The following ABLIM2 variants were observed in gnomAD, a reference collection of about 807,000 sequenced individuals.
The protein encoded by ABLIM2 is actin binding LIM protein family member 2.
In ABLIM2, 53 loss-of-function variants were observed where a neutral mutation model predicts 97.7. The observed-to-expected ratio is 0.54, with a 90% CI of 0.44 to 0.68. The LOEUF (loss-of-function observed/expected upper bound fraction) is 0.68. ABLIM2 is among the 30% of genes least tolerant of loss of function. The pLI is 0.00. For missense variants in ABLIM2, 835 were observed against 867.2 expected (o/e 0.96, Z 0.47); for synonymous variants, 361 against 345.8 (o/e 1.04, Z -0.49).
chr4:8,050,852 C>G (rs1313665328), intron 8 of ABLIM2, among the ~76,000 whole-genome samples: 1 of 152,266 alleles, frequency 6.6e-6, no homozygotes, highest in Non-Finnish European at 1.5e-5. Flanking sequence ...CCTGCGCCGC[C>G]TCCTCCCTGT....
At position 8,149,224 on chromosome 4, in the gene ABLIM2, G is replaced by C. The variant is rs1240687178; in HGVS notation, c.10+9456C>G. ...CTCTGCTGCCTCCTGCCTCCCGTTA[G>C]CGAGAAGCCTCAGGCCCCCTGAAAT... is the stretch of plus-strand genomic sequence containing the variant. On this transcript the variant is annotated intron_variant, in intron 1 of 20. Coordinates refer to ENST00000447017, the MANE Select transcript of ABLIM2 (RefSeq NM_001130083.2). This position sits in a 1 kb window ranked among gnomAD's most constrained non-coding sequence, Gnocchi z 6.4. Among the ~76,000 whole-genome samples the C allele has an allele frequency of 6.6e-6, 1 of 152,194 alleles. No individual in the cohort carries two copies. Among genetic ancestry groups the C allele is most frequent in the Non-Finnish European group, 1.5e-5 (1 of 68,044 alleles).
At position 8,071,322 on chromosome 4, in the gene ABLIM2, C is replaced by A. The variant is rs1033291576; in HGVS notation, c.675+6306G>T. ...AGCCCCTCCCATGCCCCCACAGGACCCCAGCAAGGAGCCGGCTCATCAGGA... is the reference window on the plus strand; with the variant it reads ...AGCCCCTCCCATGCCCCCACAGGACACCAGCAAGGAGCCGGCTCATCAGGA... On this transcript the variant is annotated intron_variant, in intron 6 of 20. Coordinates refer to ENST00000447017, the MANE Select transcript of ABLIM2 (RefSeq NM_001130083.2). The surrounding 1 kb of genome is among the most constrained non-coding windows in gnomAD (Gnocchi z 6.2). Among the ~76,000 whole-genome samples the A allele has an allele frequency of 1.3e-5, 2 of 152,172 alleles. No homozygotes were observed. The highest frequency in any genetic ancestry group is 4.8e-5 in the African/African-American group (2 of 41,432).
chr4:7,973,077 G>GTGTGTGTGTC (rs1553878893), intron 20 of ABLIM2, among the ~76,000 whole-genome samples: 2 of 143,506 alleles, frequency 1.4e-5, no homozygotes, highest in Non-Finnish European at 3.1e-5. Context: ...TCCCCTTGCT[G>GTGTGTGTGTC]TGTGTGTGTG....
Position 7,980,941 on chromosome 4 carries a change from A to ATCTTTTTTTTTTTTTTTTTTTTT in ABLIM2, c.1824+2322_1824+2323insAAAAAAAAAAAAAAAAAAAAAGA, listed in dbSNP as rs1483414043. Among the ~76,000 whole-genome samples the ATCTTTTTTTTTTTTTTTTTTTTT allele has an allele frequency of 9.5e-3, 786 of 83,006 alleles. 22 individuals carry two copies. Among genetic ancestry groups the ATCTTTTTTTTTTTTTTTTTTTTT allele is most frequent in the African/African-American group, 0.014 (249 of 18,114 alleles). The allele number at this position is 83,006 out of a possible 152,430, so 54.5% of individuals were successfully genotyped here. On this transcript the variant is annotated intron_variant, in intron 20 of 20. Coordinates refer to ENST00000447017, the MANE Select transcript of ABLIM2 (RefSeq NM_001130083.2). ...AGAACCATGGTCTCCACAACCCCTTATTTTTTTTTTTTTTTTTTTTGAGAT... is the reference window on the plus strand; with the variant it reads ...AGAACCATGGTCTCCACAACCCCTTATCTTTTTTTTTTTTTTTTTTTTTTTTTTTTTTTTTTTTTTTTTGAGAT...
At position 8,140,638 on chromosome 4, in the gene ABLIM2, G is replaced by T. The variant is rs1331203250; in HGVS notation, c.10+18042C>A. Among the ~76,000 whole-genome samples the T allele has an allele frequency of 1.3e-5, 2 of 152,150 alleles. No homozygotes were observed. Among genetic ancestry groups the T allele is most frequent in the African/African-American group, 4.8e-5 (2 of 41,432 alleles). ...CCCATGGCCACTGCTACTGATGATG[G>T]AAGCAATGATGATAAAATCGACCCC... On this transcript the variant is annotated intron_variant, in intron 1 of 20. Coordinates refer to ENST00000447017, the MANE Select transcript of ABLIM2 (RefSeq NM_001130083.2). The surrounding 1 kb of genome is among the most constrained non-coding windows in gnomAD (Gnocchi z 5.9).
At chr4:7,972,736 C>T (rs909564447) in intron 20 of ABLIM2, among the ~76,000 whole-genome samples, 15 of 152,158 alleles carry the variant, frequency 9.9e-5, no homozygotes, top group African/African-American at 2.7e-4. Context: ...TGACTCCCGA[C>T]GCTTTCTCCC....
chr4:8,030,725 G>C (rs775362205), intron 10 of ABLIM2, among the ~76,000 whole-genome samples: 21 of 152,224 alleles, frequency 1.4e-4, no homozygotes, highest in Non-Finnish European at 2.6e-4. Context: ...TCTACCCCGG[G>C]CGTCCTCTGC....
rs944381055 is a variant in ABLIM2 at position 8,132,807 on chromosome 4, G to A, written c.10+25873C>T. ...AAATGGGGATACCACGGACTGGGCT[G>A]CAGGGAGACTAAATGAGATGATGCC... On this transcript the variant is annotated intron_variant, in intron 1 of 20. Coordinates refer to ENST00000447017, the MANE Select transcript of ABLIM2 (RefSeq NM_001130083.2). The surrounding 1 kb of genome is among the most constrained non-coding windows in gnomAD (Gnocchi z 8.0). Among the ~76,000 whole-genome samples, 1 of 152,206 alleles carries A rather than the reference G, an allele frequency of 6.6e-6. No individual in the cohort carries two copies. Among genetic ancestry groups the A allele is most frequent in the African/African-American group, 2.4e-5 (1 of 41,458 alleles).
chr4:8,154,118 A>G (rs1714244833), intron 1 of ABLIM2, among the ~76,000 whole-genome samples: 1 of 150,846 alleles, frequency 6.6e-6, no homozygotes, highest in Non-Finnish European at 1.5e-5. Context: ...ACCTGCCACC[A>G]CGCCCAGCTA....
Position 8,120,854 on chromosome 4 carries a change from C to T in ABLIM2, c.11-14217G>A, listed in dbSNP as rs555724836. ...CTACGCCAGCCTACAGCTGGGCACA[C>T]ACATCTAACGCAAAGCCTGTTTTAT... On this transcript the variant is annotated intron_variant, in intron 1 of 20. Transcript: ENST00000447017. This position sits in a 1 kb window ranked among gnomAD's most constrained non-coding sequence, Gnocchi z 5.6. Among the ~76,000 whole-genome samples, 69 of 152,342 alleles carry T rather than the reference C, an allele frequency of 4.5e-4. No homozygotes were observed. The highest frequency in any genetic ancestry group is 1.6e-3 in the African/African-American group (66 of 41,578).
In ABLIM2 at chr4:7,980,546, C is replaced by G. The variant is rs192554271; in HGVS notation, c.1824+2718G>C. Among the ~76,000 whole-genome samples, 1,161 of 152,082 alleles carry G rather than the reference C, an allele frequency of 7.6e-3. 5 individuals are homozygous for G. The highest frequency in any genetic ancestry group is 0.011 in the Non-Finnish European group (774 of 67,996). ...CCTGGCCAACGTGGTGAAACCCCAT[C>G]TCTACTAAAAATAAAAAAATTAGCC... On this transcript the variant is annotated intron_variant, in intron 20 of 20. Coordinates refer to ENST00000447017, the MANE Select transcript of ABLIM2 (RefSeq NM_001130083.2).
chr4:8,032,513 A>T lies in ABLIM2; in HGVS notation c.1048-2737T>A, dbSNP rs982722455. ...CAGCCAGGAGGGTGCCCCATGTCAC[A>T]AGGGCCGTGGCCCCGGGCCCCATGG... On this transcript the variant is annotated intron_variant, in intron 10 of 20. Transcript: ENST00000447017. This position sits in a 1 kb window ranked among gnomAD's most constrained non-coding sequence, Gnocchi z 4.3. The T allele has an allele frequency of 9.1e-7, 1 of 1,093,988 alleles. No individual in the cohort carries two copies. The highest frequency in any genetic ancestry group is 1.4e-6 in the Non-Finnish European group (1 of 739,252). 67.8% of individuals were successfully genotyped at this position (1,093,988 alleles called of 1,614,324 possible).
At chr4:7,969,730 GACACACACAC>G (rs56236019) in intron 20 of ABLIM2, among the ~76,000 whole-genome samples, 2,724 of 139,652 alleles carry the variant, frequency 0.02, 109 homozygotes, top group African/African-American at 0.068. Context: ...CTCTCTCTCT[GACACACACAC>G]ACACACACAC....
At position 8,067,922 on chromosome 4, in the gene ABLIM2, C is replaced by T. The variant is rs1416323366; in HGVS notation, c.676-6868G>A. ...CCAGAGGACATTTAGCTGGAAGGTA[C>T]CGGCATGGCACAGGTCACCCCCTCC... On this transcript the variant is annotated intron_variant, in intron 6 of 20. Coordinates refer to ENST00000447017, the MANE Select transcript of ABLIM2 (RefSeq NM_001130083.2). This position sits in a 1 kb window ranked among gnomAD's most constrained non-coding sequence, Gnocchi z 5.4. Among the ~76,000 whole-genome samples the T allele has an allele frequency of 6.6e-6, 1 of 152,168 alleles. No individual in the cohort carries two copies. Among genetic ancestry groups the T allele is most frequent in the Non-Finnish European group, 1.5e-5 (1 of 68,030 alleles).
intron 15 of ABLIM2, among the ~76,000 whole-genome samples, 193 bp downstream of exon 15, chr4:8,008,857 C>T (rs1763054558): frequency 6.6e-6 from 1 of 152,176 alleles, no homozygotes; most frequent in Non-Finnish European, 1.5e-5. Context: ...ATACCCAGGA[C>T]CTCGGTAGGA....
At chr4:8,036,778 G>T (rs1445277669) in intron 9 of ABLIM2, among the ~76,000 whole-genome samples, 1 of 152,210 alleles carries the variant, frequency 6.6e-6, no homozygotes. Context: ...CAGGCAGTGA[G>T]ACTCAGTCCA....
In ABLIM2 at chr4:7,986,949, G is replaced by T. The variant is rs931833713; in HGVS notation, c.1681-2056C>A. ...GCCTCCCAAAGTGCTGGGATTATAGGCATAAGCCACTGCGCCCGGTCATGC... is the reference window on the plus strand; with the variant it reads ...GCCTCCCAAAGTGCTGGGATTATAGTCATAAGCCACTGCGCCCGGTCATGC... On this transcript the variant is annotated intron_variant, in intron 17 of 20. Coordinates refer to ENST00000447017, the MANE Select transcript of ABLIM2 (RefSeq NM_001130083.2). This position sits in a 1 kb window ranked among gnomAD's most constrained non-coding sequence, Gnocchi z 4.3. Among the ~76,000 whole-genome samples, 8 of 152,276 alleles carry T rather than the reference G, an allele frequency of 5.3e-5. No individual in the cohort carries two copies. The highest frequency in any genetic ancestry group is 8.8e-5 in the Non-Finnish European group (6 of 68,040).
In ABLIM2 at chr4:8,048,405, A is replaced by C. The variant is rs753046494; in HGVS notation, c.823-3164T>G. Among the ~76,000 whole-genome samples the C allele has an allele frequency of 5.9e-4, 90 of 152,294 alleles. 1 individual carries two copies. The highest frequency in any genetic ancestry group is 9.0e-4 in the Non-Finnish European group (61 of 68,016). On this transcript the variant is annotated intron_variant, in intron 8 of 20. Coordinates refer to ENST00000447017, the MANE Select transcript of ABLIM2 (RefSeq NM_001130083.2). ...CGGCTTTGCCTGGCCCCAGGGAGGC[A>C]GCTGTCCTTCAACAGTCACTGGGGA... is the stretch of plus-strand genomic sequence containing the variant.
intron 2 of ABLIM2, among the ~76,000 whole-genome samples, chr4:8,102,886 G>A (rs1835375306): frequency 6.6e-6 from 1 of 152,232 alleles, no homozygotes; most frequent in Non-Finnish European, 1.5e-5. Flanking sequence ...ACGTGTGACC[G>A]AGTTCTGGCC....
Sources: gnomAD v4.1 joint callset for allele counts (sites outside exome capture counted in the v4.1 genomes callset) on GRCh38, gnomAD v4.1.1 for gene constraint, Gnocchi (gnomAD v3.1) non-coding constraint, MANE v1.5 for transcripts, NCBI Gene and HGNC (gene_info 2026-07-23, HGNC 2026-07-21) for gene names.